The following MACROD2 variants were observed in gnomAD, a reference collection of about 807,000 sequenced individuals.
MACROD2 encodes mono-ADP ribosylhydrolase 2, also known as ADP-ribose glycohydrolase MACROD2.
A neutral mutation model predicts 70.4 loss-of-function variants in MACROD2; 36 were observed. The ratio of observed to expected loss-of-function variants is 0.51; its 90% CI spans 0.39 to 0.68. The LOEUF (loss-of-function observed/expected upper bound fraction) is 0.68, where lower values mean the gene tolerates loss of function less well. Ranked by LOEUF, MACROD2 falls within the 30% of genes least tolerant of loss-of-function variation. The pLI is 0.00. For synonymous variants in MACROD2, 172 were observed against 178.8 expected (o/e 0.96, Z 0.30); for missense variants, 496 against 538.4 (o/e 0.92, Z 0.78).
At chr20:15,894,271 G>T (rs1481288835) in intron 10 of MACROD2, among the ~76,000 whole-genome samples, 1 of 152,198 alleles carries the variant, frequency 6.6e-6, no homozygotes, top group Non-Finnish European at 1.5e-5. Flanking sequence ...CAATCGAGAA[G>T]CCAAAGCTGA....
chr20:15,631,958 T>A lies in MACROD2; in HGVS notation c.645+132111T>A, dbSNP rs56193533. ...TTCGAGACCAGCCTGGCCAACATAG[T>A]GAAACCCCGTCTCTACTAAAAATAC... On this transcript the variant is annotated intron_variant, in intron 8 of 17. Transcript: ENST00000684519. Among the ~76,000 whole-genome samples the A allele has an allele frequency of 7.7e-3, 1,167 of 152,124 alleles. 18 individuals are homozygous for A. Among genetic ancestry groups the A allele is most frequent in the African/African-American group, 0.027 (1,131 of 41,480 alleles).
chr20:14,408,722 A>C (rs1197865933), intron 3 of MACROD2, among the ~76,000 whole-genome samples: 1 of 152,166 alleles, frequency 6.6e-6, no homozygotes, highest in East Asian at 1.9e-4. Flanking sequence ...TTAGATAACT[A>C]TTAGTTGAAT....
intron 6 of MACROD2, among the ~76,000 whole-genome samples, chr20:15,334,453 C>A (rs2078026682): frequency 6.6e-6 from 1 of 151,622 alleles, no homozygotes; most frequent in African/African-American, 2.4e-5. Context: ...TCTGACTCAA[C>A]CTCTAATTAG....
At chr20:15,102,893 C>T (rs2075883908) in intron 5 of MACROD2, among the ~76,000 whole-genome samples, 1 of 151,864 alleles carries the variant, frequency 6.6e-6, no homozygotes, top group Non-Finnish European at 1.5e-5. Context: ...CATAGAAATG[C>T]ATATCAAAAG....
In MACROD2 at chr20:15,026,687, A is replaced by G. The variant is rs374752622; in HGVS notation, c.419-203253A>G. ...TTTATTATTATTATCATTTCTAAAT[A>G]CACCCAGGGAACTCTGCGGACTGCT... is the stretch of plus-strand genomic sequence containing the variant. On this transcript the variant is annotated intron_variant, in intron 5 of 17. Coordinates refer to ENST00000684519, the MANE Select transcript of MACROD2 (RefSeq NM_001351661.2). Among the ~76,000 whole-genome samples the G allele has an allele frequency of 2.0e-3, 302 of 152,186 alleles. 1 individual carries two copies. Among genetic ancestry groups the G allele is most frequent in the South Asian group, 9.3e-3 (45 of 4,816 alleles).
intron 5 of MACROD2, among the ~76,000 whole-genome samples, chr20:15,097,127 A>AT (rs1198406375): frequency 6.6e-6 from 1 of 152,138 alleles, no homozygotes; most frequent in Non-Finnish European, 1.5e-5. Flanking sequence ...TTTTAAAAGT[A>AT]TTAATTTGCT....
intron 6 of MACROD2, among the ~76,000 whole-genome samples, chr20:15,298,733 A>T (rs2077614281): frequency 6.6e-6 from 1 of 152,188 alleles, no homozygotes; most frequent in Non-Finnish European, 1.5e-5. Context: ...TATTTTATAT[A>T]TTAAAAGAGT....
intron 8 of MACROD2, among the ~76,000 whole-genome samples, chr20:15,655,841 C>T (rs1342974449): frequency 1.3e-5 from 2 of 152,132 alleles, no homozygotes; most frequent in Non-Finnish European, 2.9e-5. Flanking sequence ...TGGTGTATAT[C>T]TTATGTAAAT....
At position 14,423,686 on chromosome 20, in the gene MACROD2, C is replaced by T. The variant is rs2083901063; in HGVS notation, c.272-69793C>T. Among the ~76,000 whole-genome samples the T allele has an allele frequency of 5.0e-5, 6 of 119,938 alleles. No individual in the cohort carries two copies. The South Asian group carries it at 1.4e-3, about 27-fold the overall frequency. The allele number at this position is 119,938 out of a possible 152,430, so 78.7% of individuals were successfully genotyped here. On this transcript the variant is annotated intron_variant, in intron 3 of 17. Coordinates refer to ENST00000684519, the MANE Select transcript of MACROD2 (RefSeq NM_001351661.2). ...CTGCACTCCAGCCTGGACGACAGAG[C>T]GAGACTCTGTCTCAAAAAAAAAAAA...
At chr20:14,371,311 C>G (rs1213788852) in intron 3 of MACROD2, among the ~76,000 whole-genome samples, 1 of 151,990 alleles carries the variant, frequency 6.6e-6, no homozygotes, top group Non-Finnish European at 1.5e-5. Context: ...ACAGCAAGAC[C>G]CCATCTCTAC....
chr20:15,210,411 C>A (rs575640059), intron 5 of MACROD2, among the ~76,000 whole-genome samples: 2 of 152,088 alleles, frequency 1.3e-5, no homozygotes, highest in South Asian at 4.1e-4. Context: ...TATTGCCTTC[C>A]GTGTTTTGCA....
chr20:15,632,735 T>C (rs574315139), intron 8 of MACROD2, among the ~76,000 whole-genome samples: 98 of 152,308 alleles, frequency 6.4e-4, no homozygotes, highest in Non-Finnish European at 1.2e-3. Flanking sequence ...AATAGTCTAA[T>C]GTAAAACAAC....
chr20:15,320,731 G>A (rs1041742013), intron 6 of MACROD2, among the ~76,000 whole-genome samples: 1 of 152,064 alleles, frequency 6.6e-6, no homozygotes, highest in Non-Finnish European at 1.5e-5. Context: ...TGGTCATCAG[G>A]CACTTACTCC....
chr20:14,770,836 A>G (rs1309849655), intron 5 of MACROD2, among the ~76,000 whole-genome samples: 1 of 152,030 alleles, frequency 6.6e-6, no homozygotes, highest in African/African-American at 2.4e-5. Context: ...CTGGGATTTG[A>G]ATCAAGCAGG....
chr20:15,187,737 A>G (rs1317739226), intron 5 of MACROD2, among the ~76,000 whole-genome samples: 1 of 152,216 alleles, frequency 6.6e-6, no homozygotes, highest in Non-Finnish European at 1.5e-5. Context: ...TTTTATCATC[A>G]TCATTAATTA....
At chr20:15,471,047 G>A (rs554830921) in intron 7 of MACROD2, among the ~76,000 whole-genome samples, 1 of 152,166 alleles carries the variant, frequency 6.6e-6, no homozygotes, top group South Asian at 2.1e-4. Flanking sequence ...ATCAACAATG[G>A]TCTTGTATGT....
At chr20:15,676,086 T>C (rs2050053609) in intron 8 of MACROD2, among the ~76,000 whole-genome samples, 1 of 152,244 alleles carries the variant, frequency 6.6e-6, no homozygotes, top group Admixed American at 6.5e-5. Flanking sequence ...TACTCACTCA[T>C]GAGCTTGTGG....
At chr20:14,848,730 C>T (rs1833839185) in intron 5 of MACROD2, among the ~76,000 whole-genome samples, 2 of 152,074 alleles carry the variant, frequency 1.3e-5, no homozygotes, top group South Asian at 4.2e-4. Flanking sequence ...CCTAGAGAGG[C>T]ATTTCCTGGG....
intron 7 of MACROD2, among the ~76,000 whole-genome samples, chr20:15,454,101 G>A (rs1420150365): frequency 1.3e-5 from 2 of 152,114 alleles, no homozygotes; most frequent in South Asian, 2.1e-4. Context: ...GTCAATAGAG[G>A]CTGTGAGCTT....
Sources: gnomAD v4.1 joint callset for allele counts (sites outside exome capture counted in the v4.1 genomes callset) on GRCh38, gnomAD v4.1.1 for gene constraint, MANE v1.5 for transcripts, NCBI Gene and HGNC (gene_info 2026-07-23, HGNC 2026-07-21) for gene names.